The following ZNF483 variants were observed in gnomAD, a reference collection of about 807,000 sequenced individuals.
The protein encoded by ZNF483 is zinc finger protein HIT-10.
A neutral mutation model predicts 28.6 loss-of-function variants in ZNF483; 9 were observed. The observed-to-expected ratio is 0.32, with a 90% CI of 0.19 to 0.55. The LOEUF is 0.55. Ranked by LOEUF, ZNF483 falls within the 20% of genes least tolerant of loss-of-function variation. ZNF483 has a pLI of 0.93. For missense variants in ZNF483, 675 were observed against 871.7 expected (o/e 0.77, Z 2.84); for synonymous variants, 322 against 306.2 (o/e 1.05, Z -0.54).
Position 111,548,560 on chromosome 9 carries a change from A to AT in ZNF483, c.*5395dup, listed in dbSNP as rs1404593215. The stretch of plus-strand genomic sequence containing the variant: ...AGATTATGGCATCTGCAAATAGATA[A>AT]TTTTTCCTTCTTCCTAATTTGGATG... On this transcript the variant is annotated 3_prime_UTR_variant, in exon 6 of 6. Coordinates refer to ENST00000309235, the MANE Select transcript of ZNF483 (RefSeq NM_133464.5). Among the ~76,000 whole-genome samples, 1 of 152,122 alleles carries AT rather than the reference A, an allele frequency of 6.6e-6. No homozygotes were observed. The highest frequency in any genetic ancestry group is 2.4e-5 in the African/African-American group (1 of 41,436).
chr9:111,534,483 C>A, intron 5 of ZNF483, 130 bp downstream of exon 5: 1 of 726,466 alleles, frequency 1.4e-6, no homozygotes, highest in Non-Finnish European at 2.2e-6. Context: ...CCTTGCCTTC[C>A]TGAAATGTTC....
intron 5 of ZNF483, among the ~76,000 whole-genome samples, chr9:111,567,975 G>A (rs1032873225): frequency 4.6e-5 from 7 of 152,138 alleles, no homozygotes; most frequent in African/African-American, 1.4e-4. Flanking sequence ...ATCTTTGTAA[G>A]CTGAGGATGT....
At chr9:111,566,054 A>G (rs1364929229) in intron 5 of ZNF483, among the ~76,000 whole-genome samples, 1 of 151,932 alleles carries the variant, frequency 6.6e-6, no homozygotes, top group Non-Finnish European at 1.5e-5. Flanking sequence ...TCTACTAAAA[A>G]TAGCCGAGAA....
chr9:111,543,611 A>G lies in ZNF483; in HGVS notation c.*441A>G. On this transcript the variant is annotated 3_prime_UTR_variant, in exon 6 of 6. Coordinates refer to ENST00000309235, the MANE Select transcript of ZNF483 (RefSeq NM_133464.5). ...CCAGCAGAATGAAGGGATGGGATTAATGATTTTTGCCTTTTTTGGTTTTTT... is the reference window on the plus strand; with the variant it reads ...CCAGCAGAATGAAGGGATGGGATTAGTGATTTTTGCCTTTTTTGGTTTTTT... 1 of 987,030 alleles carries G rather than the reference A, an allele frequency of 1.0e-6. No individual in the cohort carries two copies. Among genetic ancestry groups the G allele is most frequent in the Non-Finnish European group, 1.2e-6 (1 of 831,110 alleles). 61.1% of individuals were successfully genotyped at this position (987,030 alleles called of 1,614,324 possible).
intron 3 of ZNF483, among the ~76,000 whole-genome samples, chr9:111,531,819 C>T (rs1827354153): frequency 6.6e-6 from 1 of 152,204 alleles, no homozygotes; most frequent in South Asian, 2.1e-4. Context: ...GTAGCTGGGA[C>T]AACTGGCGCA....
At chr9:111,534,236 T>A (rs986297229) in intron 4 of ZNF483, 25 bp from the exon 5 acceptor site, 31 of 1,602,850 alleles carry the variant, frequency 1.9e-5, no homozygotes, top group Non-Finnish European at 2.5e-5. Context: ...AAACAGCAAT[T>A]TTCTGTTCTT....
At chr9:111,536,710 C>T (rs912713590) in intron 5 of ZNF483, among the ~76,000 whole-genome samples, 1 of 152,040 alleles carries the variant, frequency 6.6e-6, no homozygotes, top group Non-Finnish European at 1.5e-5. Context: ...ACCGCACCCC[C>T]CCCGCCCCCG....
At chr9:111,530,333 TCATC>T (rs1022075673) in intron 2 of ZNF483, among the ~76,000 whole-genome samples, 6 of 152,184 alleles carry the variant, frequency 3.9e-5, no homozygotes, top group Admixed American at 3.9e-4. Context: ...ATGCAATGCC[TCATC>T]CATCTGGCTG....
At chr9:111,560,497 C>T (rs1395054918) in intron 5 of ZNF483, among the ~76,000 whole-genome samples, 5 of 147,600 alleles carry the variant, frequency 3.4e-5, no homozygotes, top group African/African-American at 1.0e-4. Flanking sequence ...AAAGATCAGC[C>T]GGGCATGGTG....
chr9:111,527,580 A>AAGT lies in ZNF483; in HGVS notation c.188_190dup (p.Val63dup). 3 of 1,614,236 alleles carry AAGT rather than the reference A, an allele frequency of 1.9e-6. No individual in the cohort carries two copies. Among genetic ancestry groups the AAGT allele is most frequent in the Non-Finnish European group, 2.5e-6 (3 of 1,180,048 alleles). On this transcript the variant is annotated inframe_insertion, in exon 2 of 6. Transcript: ENST00000309235. ...AGGTTTAGGTGGTTTTGTTACTCAG[A>AAGT]AGTAGCTGGACCCAGGAAAGCTCTG...
chr9:111,574,975 CA>C, intron 5 of ZNF483: 1 of 647,512 alleles, frequency 1.5e-6, no homozygotes, highest in Non-Finnish European at 2.6e-6. Flanking sequence ...CCCAACAGTG[CA>C]GAAGACTGCA....
intron 5 of ZNF483, among the ~76,000 whole-genome samples, chr9:111,573,235 A>G (rs1175113016): frequency 6.6e-6 from 1 of 152,240 alleles, no homozygotes; most frequent in East Asian, 1.9e-4. Flanking sequence ...TGGCAGGCAG[A>G]CAATTTCCCA....
intron 5 of ZNF483, among the ~76,000 whole-genome samples, chr9:111,536,350 TCTA>T (rs754893085): frequency 4.0e-5 from 6 of 151,360 alleles, no homozygotes; most frequent in South Asian, 2.1e-4. Context: ...AAACCCCGTC[TCTA>T]CTAAAAATAC....
chr9:111,564,277 T>TTA, intron 5 of ZNF483: 1 of 485,730 alleles, frequency 2.1e-6, no homozygotes, highest in South Asian at 5.2e-5. Context: ...AATTTAAACT[T>TTA]TTATTATTAT....
chr9:111,552,776 T>A lies in ZNF483; in HGVS notation c.*9606T>A, dbSNP rs1828007620. Among the ~76,000 whole-genome samples the A allele has an allele frequency of 6.6e-6, 1 of 152,104 alleles. No individual in the cohort carries two copies. Among genetic ancestry groups the A allele is most frequent in the African/African-American group, 2.4e-5 (1 of 41,448 alleles). On this transcript the variant is annotated 3_prime_UTR_variant, in exon 6 of 6. Transcript: ENST00000309235. ...TACTTGAAATTTTTCAAGATTTGAATTAATTGGTCTTTATTATTAAAATAT... is the reference window on the plus strand; with the variant it reads ...TACTTGAAATTTTTCAAGATTTGAAATAATTGGTCTTTATTATTAAAATAT...
chr9:111,556,400 TCA>T (rs1246120276), downstream of ZNF483, among the ~76,000 whole-genome samples: 1 of 152,234 alleles, frequency 6.6e-6, no homozygotes, highest in Non-Finnish European at 1.5e-5. Context: ...GGCCATCTTC[TCA>T]CAGCTCCACT....
intron 5 of ZNF483, among the ~76,000 whole-genome samples, chr9:111,572,361 G>A (rs1828855516): frequency 6.6e-6 from 1 of 152,168 alleles, no homozygotes; most frequent in Admixed American, 6.5e-5. Flanking sequence ...TTGGAAGACT[G>A]AAGGGAGCAG....
chr9:111,565,782 C>A (rs1828535807), intron 5 of ZNF483, among the ~76,000 whole-genome samples: 1 of 152,116 alleles, frequency 6.6e-6, no homozygotes, highest in South Asian at 2.1e-4. Flanking sequence ...GCCTCACCCT[C>A]CTAAAGTGCT....
rs1030580273 is a variant in ZNF483, at chr9:111,552,454, A to G, written c.*9284A>G. On this transcript the variant is annotated 3_prime_UTR_variant, in exon 6 of 6. Transcript: ENST00000309235. ...ATGCAATAGAATAGAGCAATGAGGGAAAAGTTATCCTCTTGCTTTAAAATT... is the reference window on the plus strand; with the variant it reads ...ATGCAATAGAATAGAGCAATGAGGGGAAAGTTATCCTCTTGCTTTAAAATT... Among the ~76,000 whole-genome samples the G allele has an allele frequency of 2.6e-4, 40 of 152,254 alleles. No individual in the cohort carries two copies. The highest frequency in any genetic ancestry group is 8.0e-4 in the African/African-American group (33 of 41,470).
Sources: gnomAD v4.1 joint callset for allele counts (sites outside exome capture counted in the v4.1 genomes callset) on GRCh38, gnomAD v4.1.1 for gene constraint, MANE v1.5 for transcripts, NCBI Gene and HGNC (gene_info 2026-07-23, HGNC 2026-07-21) for gene names.